The following SCN2A variants were observed in gnomAD, a reference collection of about 807,000 sequenced individuals.
The protein encoded by SCN2A is sodium channel protein type 2 subunit alpha.
Under a neutral mutation model 188.7 loss-of-function variants are expected in SCN2A, and 20 were observed. The observed-to-expected ratio is 0.11, with a 90% CI of 0.07 to 0.15. The LOEUF (loss-of-function observed/expected upper bound fraction) is 0.15, where lower values mean the gene tolerates loss of function less well. Ranked by LOEUF, SCN2A falls within the 10% of genes least tolerant of loss-of-function variation. The probability of loss-of-function intolerance (pLI) is 1.00; values close to 1 mark genes in which losing one functional copy is unlikely to be tolerated. For synonymous variants in SCN2A, 804 were observed against 833.1 expected (o/e 0.97, Z 0.60); for missense variants, 1,278 against 2,445.0 (o/e 0.52, Z 10.07).
At chr2:165,259,036 G>C (rs765529424) in intron 1 of SCN2A, among the ~76,000 whole-genome samples, 6 of 152,052 alleles carry the variant, frequency 3.9e-5, no homozygotes, top group Non-Finnish European at 8.8e-5. Context: ...GTTACATGCA[G>C]TTTACCTATA....
rs140437501 is a variant in SCN2A at position 165,355,392 on chromosome 2, A to G, written c.3399+721A>G. 7.5e-3 allele frequency among the ~76,000 whole-genome samples: 1,143 copies of G among 152,334 alleles called. 23 individuals are homozygous for G. Among genetic ancestry groups the G allele is most frequent in the African/African-American group, 0.025 (1,055 of 41,578 alleles). The stretch of plus-strand genomic sequence containing the variant: ...GTATTCTTTGATTTACAAGAAGGGT[A>G]TGAGCAACAGAATATATTTTTTGTT... On this transcript the variant is annotated intron_variant, in intron 17 of 26. Transcript: ENST00000375437.
chr2:165,383,610 T>C (rs1701716598), intron 25 of SCN2A, among the ~76,000 whole-genome samples: 3 of 152,158 alleles, frequency 2.0e-5, no homozygotes, highest in Non-Finnish European at 1.5e-5. Flanking sequence ...TGTGAATACA[T>C]TGTAGACTTG....
intron 16 of SCN2A, among the ~76,000 whole-genome samples, chr2:165,351,176 C>T (rs1000665714): frequency 6.6e-5 from 10 of 152,102 alleles, no homozygotes; most frequent in African/African-American, 2.4e-4. Flanking sequence ...AATATGTGCT[C>T]CTCTATGTCA....
At position 165,293,774 on chromosome 2, in the gene SCN2A, T is replaced by C. The variant is rs1256237611; in HGVS notation, c.-51-1999T>C. ...TTAACACTTAAAATCAACAAAGTTT[T>C]AATGTTTCGTTCCAAGAAAAGCCTG... is the stretch of plus-strand genomic sequence containing the variant. On this transcript the variant is annotated intron_variant, in intron 1 of 26. Transcript: ENST00000375437. 7.6e-6 allele frequency: 7 copies of C among 921,862 alleles called. No individual in the cohort carries two copies. In the African/African-American group the frequency reaches 1.3e-4, roughly 17 times the overall value. 57.1% of individuals were successfully genotyped at this position (921,862 alleles called of 1,614,324 possible).
chr2:165,341,032 G>A (rs1699279645), intron 14 of SCN2A, among the ~76,000 whole-genome samples: 1 of 152,140 alleles, frequency 6.6e-6, no homozygotes, highest in Non-Finnish European at 1.5e-5. Flanking sequence ...GTGGCACCTG[G>A]AAGGGGAAAT....
intron 8 of SCN2A, among the ~76,000 whole-genome samples, chr2:165,312,817 A>G (rs1697513616): frequency 6.6e-6 from 1 of 152,126 alleles, no homozygotes; most frequent in African/African-American, 2.4e-5. Flanking sequence ...AGTCTAATGC[A>G]CTTTCTTTGG....
chr2:165,359,875 G>A (rs963369678), intron 17 of SCN2A, among the ~76,000 whole-genome samples: 9 of 151,866 alleles, frequency 5.9e-5, no homozygotes, highest in African/African-American at 2.2e-4. Flanking sequence ...TTTGCCATCC[G>A]AAGAAAAATA....
At chr2:165,315,410 G>A (rs1452934566) in intron 10 of SCN2A, 61 bp from the exon 11 acceptor site, 4 of 1,607,806 alleles carry the variant, frequency 2.5e-6, no homozygotes, top group Non-Finnish European at 3.4e-6. Flanking sequence ...CAATTAAGCA[G>A]TAACATGATA....
chr2:165,291,525 T>TTTCCTTCCTTCCTTCC lies in SCN2A; in HGVS notation c.-51-4213_-51-4198dup, dbSNP rs369490510. Among the ~76,000 whole-genome samples, 60 of 58,626 alleles carry TTTCCTTCCTTCCTTCC rather than the reference T, an allele frequency of 1.0e-3. 1 individual carries two copies. Among genetic ancestry groups the TTTCCTTCCTTCCTTCC allele is most frequent in the African/African-American group, 4.4e-3 (55 of 12,586 alleles). The allele number at this position is 58,626 out of a possible 152,430, so 38.5% of individuals were successfully genotyped here. A position where few individuals can be genotyped will look rare whatever the true frequency, so the allele number is the denominator to read the frequency against. On this transcript the variant is annotated intron_variant, in intron 1 of 26. Transcript: ENST00000375437. ...TTTCTTTCTTTCTTCCTCTCCTTTCTTTCCTTCCTTCCTTCCTTCCTTCCT... is the reference window on the plus strand; with the variant it reads ...TTTCTTTCTTTCTTCCTCTCCTTTCTTTCCTTCCTTCCTTCCTTCCTTCCTTCCTTCCTTCCTTCCT...
At chr2:165,350,943 T>C (rs928375329) in intron 16 of SCN2A, among the ~76,000 whole-genome samples, 3 of 152,140 alleles carry the variant, frequency 2.0e-5, no homozygotes, top group East Asian at 1.9e-4. Context: ...AGTTGGATAA[T>C]AGTAAGTGAT....
intron 1 of SCN2A, among the ~76,000 whole-genome samples, chr2:165,250,530 T>C (rs1694041798): frequency 6.6e-6 from 1 of 150,572 alleles, no homozygotes; most frequent in Non-Finnish European, 1.5e-5. Flanking sequence ...CAGGCACACA[T>C]ATACACACAA....
intron 12 of SCN2A, among the ~76,000 whole-genome samples, chr2:165,323,817 C>T (rs889661172): frequency 6.6e-6 from 1 of 152,100 alleles, no homozygotes; most frequent in Non-Finnish European, 1.5e-5. Flanking sequence ...TAAATTAAAT[C>T]CAAGGAAATT....
At chr2:165,273,352 C>T (rs1695187153) in intron 1 of SCN2A, 1 of 152,064 alleles carries the variant, frequency 6.6e-6, no homozygotes, top group Non-Finnish European at 1.5e-5. Flanking sequence ...TAGTTTAATC[C>T]TTAATGAATA....
At position 165,295,837 on chromosome 2, in the gene SCN2A, T is replaced by C; in HGVS notation, c.14T>C (p.Val5Ala). 1 of 1,614,080 alleles carries C rather than the reference T, an allele frequency of 6.2e-7. No individual in the cohort carries two copies. Among genetic ancestry groups the C allele is most frequent in the Non-Finnish European group, 8.5e-7 (1 of 1,179,998 alleles). The change falls in exon 2 of 27, where the codon GTG becomes GCG. Residue 5 changes from valine (V) to alanine (A), a missense_variant. Physicochemically the swap from Val to Ala is moderately conservative, Grantham distance 64 (BLOSUM62 0). This residue lies in a region of SCN2A where 141 missense variants were observed against 185.4 expected (regional missense o/e 0.76). Transcript: ENST00000375437. The part of the protein sequence containing the change: MAQS[V>A]LVPPGPDSFR... ...CAGGATGAAAAGATGGCACAGTCAG[T>C]GCTGGTACCGCCAGGACCTGACAGC...
At chr2:165,269,814 T>G (rs1471592830) in intron 1 of SCN2A, 1 of 152,018 alleles carries the variant, frequency 6.6e-6, no homozygotes, top group African/African-American at 2.4e-5. Context: ...TAAAATCAAG[T>G]GTTTAAATTT....
rs1377836849 is a variant in SCN2A at position 165,391,827 on chromosome 2, T to C, written c.*2003T>C. The C allele has an allele frequency of 2.6e-5, 4 of 152,464 alleles. No individual in the cohort carries two copies. Among genetic ancestry groups the C allele is most frequent in the Non-Finnish European group, 5.9e-5 (4 of 67,976 alleles). 9.4% of individuals were successfully genotyped at this position (152,464 alleles called of 1,614,324 possible). On this transcript the variant is annotated 3_prime_UTR_variant, in exon 27 of 27. Coordinates refer to ENST00000375437, the MANE Select transcript of SCN2A (RefSeq NM_001040142.2). ...ATCAGATATAATATGGGATCCCAGC[T>C]TTTTTTCCTCTCCCACAAAACCAGG...
Position 165,277,007 on chromosome 2 carries a change from C to G in SCN2A, c.-51-18766C>G, listed in dbSNP as rs188135058. Among the ~76,000 whole-genome samples, 16 of 152,128 alleles carry G rather than the reference C, an allele frequency of 1.1e-4. No homozygotes were observed. In the East Asian group the frequency reaches 2.9e-3, roughly 28 times the overall value. On this transcript the variant is annotated intron_variant, in intron 1 of 26. Coordinates refer to ENST00000375437, the MANE Select transcript of SCN2A (RefSeq NM_001040142.2). ...TGGCTAACATGGTGAAACCCCATCT[C>G]TACTAAAAATACAAAAAATTAGACA...
intron 22 of SCN2A, among the ~76,000 whole-genome samples, chr2:165,376,291 G>A (rs1034253385): frequency 6.6e-6 from 1 of 151,264 alleles, no homozygotes; most frequent in Non-Finnish European, 1.5e-5. Flanking sequence ...ACATCATTTT[G>A]TACAACATAA....
chr2:165,278,499 G>T (rs1472899793), intron 1 of SCN2A, among the ~76,000 whole-genome samples: 2 of 152,132 alleles, frequency 1.3e-5, no homozygotes, highest in Admixed American at 1.3e-4. Context: ...GAACAGCACT[G>T]GGGAAACCAC....
Sources: allele counts gnomAD v4.1 joint callset (sites outside exome capture counted in the v4.1 genomes callset), GRCh38; gene constraint gnomAD v4.1.1; regional missense constraint gnomAD v4.1.1; transcripts MANE v1.5; gene names NCBI Gene and HGNC (gene_info 2026-07-23, HGNC 2026-07-21).